Variants in SALL4 observed in about 807,000 individuals in gnomAD.
SALL4 encodes the protein spalt like transcription factor 4, also known as sal-like protein 4.
A neutral mutation model predicts 60.8 loss-of-function variants in SALL4; 4 were observed. The observed-to-expected ratio is 0.07, with a 90% CI of 0.03 to 0.15. The LOEUF (loss-of-function observed/expected upper bound fraction) is 0.15. Among genes scored for constraint, SALL4 ranks in the 10% least tolerant of loss-of-function variants. The pLI, the probability that SALL4 is intolerant of heterozygous loss-of-function variation, is 1.00. For synonymous variants in SALL4, 580 were observed against 574.9 expected, an observed-to-expected ratio of 1.01 and a Z score of -0.13; for missense variants, 1,178 against 1,394.7, an observed-to-expected ratio of 0.84 and a Z score of 2.48.
Position 51,790,714 on chromosome 20 carries a change from C to G in SALL4, c.1769G>C (p.Gly590Ala). The change falls in exon 2 of 4, where the codon GGG (glycine) becomes GCG (alanine). Residue 590 changes from glycine (G) to alanine (A), a missense_variant. Physicochemically the swap from Gly to Ala is moderately conservative, Grantham distance 60. Around this residue, in one of 5 missense-constraint regions of SALL4, gnomAD observed 853 missense variants for 1,036.8 expected, o/e 0.82. Transcript: ENST00000217086. The surrounding 1 kb of genome is among the most constrained non-coding windows in gnomAD (Gnocchi z 5.5). The stretch of plus-strand genomic sequence containing the variant: ...GATCTTACACTGGAACGGTCTCTCC[C>G]CGGTGTGGGTGCGATAATGCATCTT... ...SLKMHYRTHT[G>A]ERPFQCKICG... 6.2e-7 allele frequency: 1 copy of G among 1,614,116 alleles called. No individual in the cohort carries two copies. The highest frequency in any genetic ancestry group is 1.1e-5 in the South Asian group (1 of 91,072).
At chr20:51,797,341 A>T (rs1157098752) in intron 1 of SALL4, 1 of 152,154 alleles carries the variant, frequency 6.6e-6, no homozygotes, top group Non-Finnish European at 1.5e-5. Context: ...CACTATGTTG[A>T]GAAGGGATCT....
Position 51,802,270 on chromosome 20 carries a change from C to T in SALL4, c.130+9G>A. ...CCCCTCCCCGGGCGGGCGCCCCAGC[C>T]CCACTCACCCAGCTCCCCCGCCGCG... On this transcript the variant is annotated intron_variant, in intron 1 of 3. Transcript: ENST00000217086. The T allele has an allele frequency of 6.3e-7, 1 of 1,598,012 alleles. No homozygotes were observed. The highest frequency in any genetic ancestry group is 8.5e-7 in the Non-Finnish European group (1 of 1,172,816).
In SALL4 at chr20:51,783,689, A is replaced by G. The variant is rs1376691098; in HGVS notation, c.*576T>C. ...TGTATACGTCTGTTACAAGTAACAA[A>G]GCTACTTTGCAAGACCCGCTTCTTT... On this transcript the variant is annotated 3_prime_UTR_variant, in exon 4 of 4. Coordinates refer to ENST00000217086, the MANE Select transcript of SALL4 (RefSeq NM_020436.5). 3.8e-5 allele frequency: 6 copies of G among 159,372 alleles called. No individual in the cohort carries two copies. The highest frequency in any genetic ancestry group is 3.6e-4 in the Admixed American group (6 of 16,884). 9.9% of individuals were successfully genotyped at this position (159,372 alleles called of 1,614,324 possible).
rs2077961454 is a variant in SALL4, at chr20:51,782,486, C to T, written c.*1779G>A. 7.3e-6 allele frequency: 1 copy of T among 137,822 alleles called. No homozygotes were observed. The highest frequency in any genetic ancestry group is 1.5e-5 in the Non-Finnish European group (1 of 66,500). 8.5% of individuals were successfully genotyped at this position (137,822 alleles called of 1,614,324 possible). On this transcript the variant is annotated 3_prime_UTR_variant, in exon 4 of 4. Coordinates refer to ENST00000217086, the MANE Select transcript of SALL4 (RefSeq NM_020436.5). Reference sequence around the variant, plus strand: ...GTGTTTTCTGTAACAATATCCACTTCACAGTGTAAACAGGTACTATTATCG... The same window carrying T: ...GTGTTTTCTGTAACAATATCCACTTTACAGTGTAAACAGGTACTATTATCG...
chr20:51,784,312 G>A lies in SALL4; in HGVS notation c.3115C>T (p.His1039Tyr). The A allele has an allele frequency of 1.2e-6, 2 of 1,614,196 alleles. No homozygotes were observed. Among genetic ancestry groups the A allele is most frequent in the Non-Finnish European group, 1.7e-6 (2 of 1,180,042 alleles). ...TCTTCCAGGAAGTGAGGAAACTGGT[G>A]TTTGGGAACGCCGTCAGTAGCACTT... is the stretch of plus-strand genomic sequence containing the variant. Reference protein sequence around the residue: ...KPSATDGVPKHQFPHFLEENK... With the variant: ...KPSATDGVPKYQFPHFLEENK... Residue 1039 changes from histidine (H) to tyrosine (Y), a missense_variant, in exon 4 of 4, where the codon CAC becomes TAC. Physicochemically the swap from His to Tyr is moderately conservative, Grantham distance 83. This residue lies in a region of SALL4 where 174 missense variants were observed against 169.6 expected (regional missense o/e 1.03). Transcript: ENST00000217086.
At position 51,790,824 on chromosome 20, in the gene SALL4, C is replaced by A; in HGVS notation, c.1659G>T (p.Gln553His). Residue 553 changes from glutamine (Q) to histidine (H), a missense_variant, in exon 2 of 4, where the codon CAG becomes CAT. Coordinates refer to ENST00000217086, the MANE Select transcript of SALL4 (RefSeq NM_020436.5). The surrounding 1 kb of genome is among the most constrained non-coding windows in gnomAD (Gnocchi z 5.5). ...EPGSETLKLQ[Q>H]LVENIDKATT... ...TGGCCTTGTCAATGTTCTCCACCAA[C>A]TGCTGCAATTTCAGGGTCTCTGACC... The A allele has an allele frequency of 1.2e-6, 2 of 1,614,136 alleles. No homozygotes were observed. The highest frequency in any genetic ancestry group is 8.5e-7 in the Non-Finnish European group (1 of 1,180,036).
At chr20:51,784,980 C>T (rs937269297) in intron 3 of SALL4, among the ~76,000 whole-genome samples, 1 of 152,138 alleles carries the variant, frequency 6.6e-6, no homozygotes, top group Non-Finnish European at 1.5e-5. Context: ...TAACGCAAAG[C>T]CTATTTTATT....
chr20:51,797,507 G>A (rs2078085697), intron 1 of SALL4: 1 of 152,106 alleles, frequency 6.6e-6, no homozygotes, highest in African/African-American at 2.4e-5. Context: ...TAAAACAGCA[G>A]CAGCTCTGTT....
chr20:51,790,749 C>G lies in SALL4; in HGVS notation c.1734G>C (p.Gln578His), dbSNP rs2078032233. The stretch of plus-strand genomic sequence containing the variant: ...TGCGATAATGCATCTTGAGGGAGCT[C>G]TGACAGCTTAAGACTCGGTGGCAAA... ...CLICHRVLSCQSSLKMHYRTH... is the reference protein window; with the variant it reads ...CLICHRVLSCHSSLKMHYRTH... The change falls in exon 2 of 4, where the codon CAG becomes CAC. Residue 578 changes from glutamine to histidine, a missense_variant. Physicochemically the swap from Gln to His is conservative, Grantham distance 24. This residue lies in a region of SALL4 where 853 missense variants were observed against 1,036.8 expected (regional missense o/e 0.82). Coordinates refer to ENST00000217086, the MANE Select transcript of SALL4 (RefSeq NM_020436.5). This position sits in a 1 kb window ranked among gnomAD's most constrained non-coding sequence, Gnocchi z 5.5. The G allele has an allele frequency of 4.3e-6, 7 of 1,613,986 alleles. No homozygotes were observed. The highest frequency in any genetic ancestry group is 5.9e-6 in the Non-Finnish European group (7 of 1,180,038).
rs2077961041 is a variant in SALL4, at chr20:51,782,386, TACA to T, written c.*1876_*1878del. ...CCAACAGACAGACAGCATCAGCAGG[TACA>T]ACTACAGGGGTTTCTCCGTAGATCA... On this transcript the variant is annotated 3_prime_UTR_variant, in exon 4 of 4. Coordinates refer to ENST00000217086, the MANE Select transcript of SALL4 (RefSeq NM_020436.5). 1.3e-5 allele frequency: 2 copies of T among 152,122 alleles called. No individual in the cohort carries two copies. The highest frequency in any genetic ancestry group is 2.9e-5 in the Non-Finnish European group (2 of 67,980). 9.4% of individuals were successfully genotyped at this position (152,122 alleles called of 1,614,324 possible).
Position 51,793,698 on chromosome 20 carries a change from G to A in SALL4, c.131-1346C>T, listed in dbSNP as rs535297253. 1.1e-4 allele frequency among the ~76,000 whole-genome samples: 16 copies of A among 152,294 alleles called. 1 individual carries two copies. Among genetic ancestry groups the A allele is most frequent in the South Asian group, 6.2e-4 (3 of 4,824 alleles). ...TCTGCCTCAGCCTCCCAAAGTGCTC[G>A]GATTACAGGCATGAGCCACCGTGCC... On this transcript the variant is annotated intron_variant, in intron 1 of 3. Transcript: ENST00000217086.
intron 1 of SALL4, among the ~76,000 whole-genome samples, chr20:51,798,160 G>A (rs1017052709): frequency 6.6e-6 from 1 of 152,182 alleles, no homozygotes; most frequent in Non-Finnish European, 1.5e-5. Flanking sequence ...TTCATAGAAG[G>A]CAGATAAGAC....
At chr20:51,787,105 A>G (rs1231412060) in intron 3 of SALL4, among the ~76,000 whole-genome samples, 1 of 150,170 alleles carries the variant, frequency 6.7e-6, no homozygotes. Flanking sequence ...GAAACAAACA[A>G]ACAAACAAAA....
chr20:51,787,767 A>C (rs1161067452), intron 3 of SALL4, among the ~76,000 whole-genome samples: 2 of 151,980 alleles, frequency 1.3e-5, no homozygotes, highest in East Asian at 3.9e-4. Context: ...ACCACCTCCC[A>C]AAGTGCTGAG....
At chr20:51,789,251 G>A (rs2078016792) in intron 2 of SALL4, 110 bp from the exon 3 acceptor site, 2 of 1,283,714 alleles carry the variant, frequency 1.6e-6, no homozygotes, top group Non-Finnish European at 2.1e-6. Context: ...TGAGAGTCTG[G>A]AGCTGGCTTT....
intron 1 of SALL4, 52 bp from the exon 2 acceptor site, chr20:51,792,404 G>C (rs1485904747): frequency 1.3e-6 from 2 of 1,593,260 alleles, no homozygotes; most frequent in Non-Finnish European, 1.7e-6. Flanking sequence ...AAGATGTGGG[G>C]GGAGCCGGGC....
At position 51,792,249 on chromosome 20, in the gene SALL4, A is replaced by G; in HGVS notation, c.234T>C (p.Cys78=). ...ACTCAGAGATGCTGAAGAACTCCGC[A>G]CAGCATTTCTCACAGACGTGCGTCT... ...REETHVCEKC[C]AEFFSISEFL... The change falls in exon 2 of 4, where the codon TGT becomes TGC. Residue 78 remains cysteine, a synonymous_variant. Coordinates refer to ENST00000217086, the MANE Select transcript of SALL4 (RefSeq NM_020436.5). 6.2e-7 allele frequency: 1 copy of G among 1,613,970 alleles called. No homozygotes were observed. Among genetic ancestry groups the G allele is most frequent in the Non-Finnish European group, 8.5e-7 (1 of 1,180,038 alleles).
At chr20:51,785,898 T>C (rs1357084456) in intron 3 of SALL4, among the ~76,000 whole-genome samples, 1 of 151,918 alleles carries the variant, frequency 6.6e-6, no homozygotes, top group Non-Finnish European at 1.5e-5. Context: ...TGCCTCGGCC[T>C]CCCAAAGTGC....
rs779014091 is a variant in SALL4 at position 51,790,566 on chromosome 20, C to G, written c.1917G>C (p.Val639=). ...PICQKKFTNA[V]MLQQHIRMHM... The stretch of plus-strand genomic sequence containing the variant: ...GCATCCGAATATGTTGCTGCAGCAT[C>G]ACGGCATTAGTGAACTTCTTCTGGC... Residue 639 remains valine, a synonymous_variant, in exon 2 of 4, where the codon GTG becomes GTC. Coordinates refer to ENST00000217086, the MANE Select transcript of SALL4 (RefSeq NM_020436.5). This position sits in a 1 kb window ranked among gnomAD's most constrained non-coding sequence, Gnocchi z 5.5. The G allele has an allele frequency of 1.2e-6, 2 of 1,614,212 alleles. No individual in the cohort carries two copies. Among genetic ancestry groups the G allele is most frequent in the Non-Finnish European group, 1.7e-6 (2 of 1,180,042 alleles).
Sources: gnomAD v4.1 joint callset for allele counts (sites outside exome capture counted in the v4.1 genomes callset) on GRCh38, gnomAD v4.1.1 for gene constraint, gnomAD v4.1.1 regional missense constraint, Gnocchi (gnomAD v3.1) non-coding constraint, MANE v1.5 for transcripts, NCBI Gene and HGNC (gene_info 2026-07-23, HGNC 2026-07-21) for gene names.